Variants in DPP6 observed in about 807,000 individuals in gnomAD.
DPP6 encodes A-type potassium channel modulatory protein DPP6.
A neutral mutation model predicts 122.6 loss-of-function variants in DPP6; 69 were observed. The observed-to-expected ratio is 0.56, with a 90% confidence interval of 0.46 to 0.69. The LOEUF (loss-of-function observed/expected upper bound fraction) is 0.69. Among genes scored for constraint, DPP6 ranks in the 30% least tolerant of loss-of-function variants. The probability of loss-of-function intolerance (pLI) is 0.00; values close to 1 mark genes in which losing one functional copy is unlikely to be tolerated. For missense variants in DPP6, 928 were observed against 1,116.9 expected (o/e 0.83, Z 2.41); for synonymous variants, 418 against 433.1 (o/e 0.97, Z 0.43).
chr7:154,413,294 T>G (rs1258805476), intron 1 of DPP6, among the ~76,000 whole-genome samples: 1 of 152,256 alleles, frequency 6.6e-6, no homozygotes, highest in African/African-American at 2.4e-5. Context: ...TATCTGATGT[T>G]TCTGCACCTA....
intron 1 of DPP6, among the ~76,000 whole-genome samples, chr7:154,169,159 G>A (rs1436067924): frequency 6.6e-6 from 1 of 152,110 alleles, no homozygotes; most frequent in African/African-American, 2.4e-5. Context: ...CATTTCCTGG[G>A]TCTCTGAGTA....
chr7:154,820,360 G>A (rs999679437), intron 16 of DPP6, among the ~76,000 whole-genome samples: 1 of 152,100 alleles, frequency 6.6e-6, no homozygotes, highest in Non-Finnish European at 1.5e-5. Flanking sequence ...GAGCGGTAAA[G>A]AGTGGGCTGC....
At chr7:154,152,693 A>G (rs1004640607) in intron 1 of DPP6, among the ~76,000 whole-genome samples, 2 of 152,166 alleles carry the variant, frequency 1.3e-5, no homozygotes, top group Non-Finnish European at 2.9e-5. Context: ...TTGTGATCAT[A>G]TAGCTCAGGT....
chr7:154,574,801 TTTG>T (rs1261591457), intron 5 of DPP6, among the ~76,000 whole-genome samples: 1 of 90,080 alleles, frequency 1.1e-5, no homozygotes, highest in Non-Finnish European at 2.1e-5. Flanking sequence ...GTGGTGTGTG[TTTG>T]TGTGTGTGAT....
At position 154,483,205 on chromosome 7, in the gene DPP6, G is replaced by A. The variant is rs532686280; in HGVS notation, c.457+8168G>A. On this transcript the variant is annotated intron_variant, in intron 3 of 25. Transcript: ENST00000377770. This position sits in a 1 kb window ranked among gnomAD's most constrained non-coding sequence, Gnocchi z 8.1. ...CAAGGCAGGAGAAAATGCTCTAGGC[G>A]AGTTAGTGTGCTGCCGATTTTGTAA... is the stretch of plus-strand genomic sequence containing the variant. 9.2e-5 allele frequency among the ~76,000 whole-genome samples: 14 copies of A among 152,218 alleles called. No individual in the cohort carries two copies. Among genetic ancestry groups the A allele is most frequent in the South Asian group, 4.2e-4 (2 of 4,818 alleles).
intron 1 of DPP6, among the ~76,000 whole-genome samples, chr7:154,075,154 A>G (rs1218653000): frequency 2.0e-5 from 3 of 152,056 alleles, no homozygotes. Flanking sequence ...TCAAAAAATA[A>G]TAGATGTTGG....
chr7:154,305,215 T>C, intron 1 of DPP6: 1 of 1,149,964 alleles, frequency 8.7e-7, no homozygotes, highest in Non-Finnish European at 1.1e-6. Context: ...GCAGTTATCA[T>C]TGTTTCTGTG....
chr7:154,148,518 G>A (rs1796236064), intron 1 of DPP6, among the ~76,000 whole-genome samples: 1 of 150,046 alleles, frequency 6.7e-6, no homozygotes, highest in Non-Finnish European at 1.5e-5. Flanking sequence ...GATGTGAGCA[G>A]GCACAGAGGT....
At chr7:153,942,065 C>G (rs972450381) in intron 1 of DPP6, among the ~76,000 whole-genome samples, 1 of 152,214 alleles carries the variant, frequency 6.6e-6, no homozygotes, top group Admixed American at 6.5e-5. Flanking sequence ...ATGAGCTGCT[C>G]CAGTGTGGAA....
At chr7:154,171,283 G>A (rs1797522626) in intron 1 of DPP6, among the ~76,000 whole-genome samples, 1 of 152,212 alleles carries the variant, frequency 6.6e-6, no homozygotes, top group South Asian at 2.1e-4. Flanking sequence ...GCTAGGAGTG[G>A]TTTGCATGAT....
chr7:154,373,481 C>T (rs561531589), intron 1 of DPP6, among the ~76,000 whole-genome samples: 1 of 152,326 alleles, frequency 6.6e-6, no homozygotes, highest in Non-Finnish European at 1.5e-5. Flanking sequence ...TGCTAGCTCC[C>T]TCCTCAGTGT....
intron 1 of DPP6, chr7:154,305,185 C>G: frequency 9.8e-7 from 1 of 1,016,942 alleles, no homozygotes; most frequent in Non-Finnish European, 1.2e-6. Flanking sequence ...TGCACCCAGC[C>G]GCCACTTGCC....
rs748459308 is a variant in DPP6 at position 154,305,589 on chromosome 7, C to T, written c.244-140625C>T. On this transcript the variant is annotated intron_variant, in intron 1 of 25. Coordinates refer to ENST00000377770, the MANE Select transcript of DPP6 (RefSeq NM_130797.4). The stretch of plus-strand genomic sequence containing the variant: ...TTGGGGGTCCGTGTGTGTGTGTGTG[C>T]GTGCGTGTGCATGCGTGCATATGTG... 51 of 1,469,730 alleles carry T rather than the reference C, an allele frequency of 3.5e-5. 1 individual carries two copies. The highest frequency in any genetic ancestry group is 1.8e-4 in the Middle Eastern group (1 of 5,488). The allele number at this position is 1,469,730 out of a possible 1,614,324, so 91.0% of individuals were successfully genotyped here.
At chr7:154,174,276 T>C (rs189968864) in intron 1 of DPP6, among the ~76,000 whole-genome samples, 1 of 152,294 alleles carries the variant, frequency 6.6e-6, no homozygotes, top group East Asian at 1.9e-4. Context: ...CAACCTTACG[T>C]GGTTGGGGAG....
intron 1 of DPP6, among the ~76,000 whole-genome samples, chr7:154,142,742 C>T (rs1795909716): frequency 6.7e-6 from 1 of 150,168 alleles, no homozygotes; most frequent in African/African-American, 2.5e-5. Context: ...ATTGTAATCA[C>T]TACTTTCATT....
At chr7:153,932,069 TTCTA>T (rs1461503721) in intron 1 of DPP6, among the ~76,000 whole-genome samples, 1 of 152,074 alleles carries the variant, frequency 6.6e-6, no homozygotes, top group East Asian at 1.9e-4. Flanking sequence ...AGAGTAAATC[TTCTA>T]TCTTATTCTC....
chr7:153,844,686 G>A, the DPP6 span, among the ~76,000 whole-genome samples: 5 of 152,280 alleles, frequency 3.3e-5, no homozygotes, highest in South Asian at 2.1e-4. Context: ...GTGGGACATC[G>A]TTTGCACTTC....
chr7:154,459,690 G>A (rs1821108578), intron 2 of DPP6, among the ~76,000 whole-genome samples: 1 of 150,768 alleles, frequency 6.6e-6, no homozygotes. Context: ...CATGGCGCGT[G>A]CCTGTAATCC....
chr7:154,823,065 T>C (rs1302418684), intron 16 of DPP6, among the ~76,000 whole-genome samples: 1 of 152,228 alleles, frequency 6.6e-6, no homozygotes, highest in African/African-American at 2.4e-5. Flanking sequence ...TAGAACTTCC[T>C]GGAAAATAAG....
Sources: gnomAD v4.1 joint callset for allele counts (sites outside exome capture counted in the v4.1 genomes callset) on GRCh38, gnomAD v4.1.1 for gene constraint, Gnocchi (gnomAD v3.1) non-coding constraint, MANE v1.5 for transcripts, NCBI Gene and HGNC (gene_info 2026-07-23, HGNC 2026-07-21) for gene names.